Variants in RARB observed in about 807,000 individuals in gnomAD.
RARB encodes the protein HBV-activated protein.
A neutral mutation model predicts 51.9 loss-of-function variants in RARB; 17 were observed. The observed-to-expected ratio is 0.33, with a 90% CI of 0.22 to 0.49. RARB has a LOEUF of 0.49. Among genes scored for constraint, RARB ranks in the 20% least tolerant of loss-of-function variants. RARB has a pLI of 0.99. For synonymous variants in RARB, 215 were observed against 195.4 expected (o/e 1.10, Z -0.84); for missense variants, 369 against 550.8 (o/e 0.67, Z 3.30).
At chr3:25,439,667 G>A (rs1708578189) in intron 1 of RARB, among the ~76,000 whole-genome samples, 1 of 152,166 alleles carries the variant, frequency 6.6e-6, no homozygotes, top group Non-Finnish European at 1.5e-5. Flanking sequence ...CAAAGTGCTG[G>A]AATTACAGGT....
intron 3 of RARB, among the ~76,000 whole-genome samples, chr3:25,076,348 C>T (rs1164274703): frequency 1.3e-5 from 2 of 152,048 alleles, no homozygotes; most frequent in African/African-American, 4.8e-5. Flanking sequence ...ACCATGTTAT[C>T]CAGGTTGGTC....
At chr3:25,232,351 A>G (rs1702198533) in intron 5 of RARB, among the ~76,000 whole-genome samples, 1 of 152,112 alleles carries the variant, frequency 6.6e-6, no homozygotes, top group South Asian at 2.1e-4. Flanking sequence ...GCTTGTTGGC[A>G]TTTACAACCT....
At chr3:24,927,365 T>C (rs1425597484) in intron 2 of RARB, among the ~76,000 whole-genome samples, 1 of 152,050 alleles carries the variant, frequency 6.6e-6, no homozygotes, top group African/African-American at 2.4e-5. Context: ...AAAAGGATAA[T>C]TTTTTAAGAA....
chr3:25,151,587 G>C (rs1459461319), intron 4 of RARB, among the ~76,000 whole-genome samples: 1 of 152,150 alleles, frequency 6.6e-6, no homozygotes, highest in Non-Finnish European at 1.5e-5. Context: ...TAGGAGATTG[G>C]TACAGACGAT....
chr3:25,230,254 A>C (rs982847744), intron 5 of RARB, among the ~76,000 whole-genome samples: 1 of 152,118 alleles, frequency 6.6e-6, no homozygotes, highest in Non-Finnish European at 1.5e-5. Flanking sequence ...AACCGAACAT[A>C]CTTATTCTCT....
chr3:25,564,342 T>A (rs1184211829), intron 3 of RARB, among the ~76,000 whole-genome samples: 2 of 152,210 alleles, frequency 1.3e-5, no homozygotes, highest in Non-Finnish European at 2.9e-5. Flanking sequence ...ACTTGATATT[T>A]TATGGAGCAC....
At chr3:25,351,853 C>T (rs917181972) in intron 5 of RARB, among the ~76,000 whole-genome samples, 1 of 152,092 alleles carries the variant, frequency 6.6e-6, no homozygotes, top group East Asian at 1.9e-4. Flanking sequence ...AAGAGTGTTC[C>T]CCAAGAGCTC....
At chr3:24,902,883 A>G (rs565980970) in intron 2 of RARB, among the ~76,000 whole-genome samples, 6 of 152,326 alleles carry the variant, frequency 3.9e-5, no homozygotes, top group African/African-American at 7.2e-5. Flanking sequence ...GGGTTTTAGC[A>G]AAAATATAAA....
rs80211205 is a variant in RARB at position 25,340,622 on chromosome 3, C to G, written c.179-120571C>G. 7.6e-3 allele frequency among the ~76,000 whole-genome samples: 1,157 copies of G among 152,244 alleles called. 15 individuals are homozygous for G. The highest frequency in any genetic ancestry group is 0.025 in the African/African-American group (1,042 of 41,546). On this transcript the variant is annotated intron_variant, in intron 5 of 11. Coordinates refer to the RARB transcript ENST00000383772. ...TTTTCTCCATTTAAAGTATCTGGCT[C>G]TACAAAGCAGGAAATAAATACTTTG...
chr3:24,959,721 TTG>T (rs1228858270), intron 2 of RARB, among the ~76,000 whole-genome samples: 1 of 152,050 alleles, frequency 6.6e-6, no homozygotes, highest in Non-Finnish European at 1.5e-5. Flanking sequence ...CAGAGGATAA[TTG>T]ACAGTGTGAT....
At chr3:25,563,726 A>G (rs983361433) in intron 3 of RARB, among the ~76,000 whole-genome samples, 3 of 152,220 alleles carry the variant, frequency 2.0e-5, no homozygotes, top group Admixed American at 6.5e-5. Context: ...TTTTAAATAT[A>G]TCAGTGTGTT....
intron 3 of RARB, among the ~76,000 whole-genome samples, chr3:25,510,252 A>G (rs1023488995): frequency 6.6e-6 from 1 of 152,168 alleles, no homozygotes; most frequent in East Asian, 1.9e-4. Flanking sequence ...TGCTTCTCTA[A>G]ACAATGAAGT....
intron 5 of RARB, among the ~76,000 whole-genome samples, chr3:25,370,657 G>A (rs1335751937): frequency 6.6e-6 from 1 of 152,200 alleles, no homozygotes; most frequent in Non-Finnish European, 1.5e-5. Context: ...CAGAACCTGG[G>A]GATGGGTAGG....
At chr3:24,906,336 T>G (rs1334388386) in intron 2 of RARB, among the ~76,000 whole-genome samples, 2 of 152,200 alleles carry the variant, frequency 1.3e-5, no homozygotes, top group Non-Finnish European at 2.9e-5. Context: ...GACTTGGATA[T>G]AGCAGATGCA....
chr3:25,531,404 AT>A (rs1698910824), intron 3 of RARB, among the ~76,000 whole-genome samples: 1 of 135,428 alleles, frequency 7.4e-6, no homozygotes, highest in African/African-American at 2.8e-5. Context: ...AGATAGATAG[AT>A]AGATAGATAG....
At chr3:25,069,215 T>C (rs1698722509) in intron 3 of RARB, among the ~76,000 whole-genome samples, 1 of 151,460 alleles carries the variant, frequency 6.6e-6, no homozygotes, top group African/African-American at 2.5e-5. Context: ...GAAAGATTTT[T>C]TTTTGAGTCT....
rs1189295734 is a variant in RARB at position 24,970,503 on chromosome 3, T to C, written c.-379-89622T>C. ...GATAATGGTGCAGTTAACTGGACTTTTAAATATCAAAGACCGGAAAATGTA... is the reference window on the plus strand; with the variant it reads ...GATAATGGTGCAGTTAACTGGACTTCTAAATATCAAAGACCGGAAAATGTA... On this transcript the variant is annotated intron_variant, in intron 2 of 11. Transcript: ENST00000383772. Among the ~76,000 whole-genome samples, 7 of 151,864 alleles carry C rather than the reference T, an allele frequency of 4.6e-5. No homozygotes were observed. In the East Asian group the frequency reaches 7.8e-4, roughly 17 times the overall value.
intron 4 of RARB, 102 bp downstream of exon 4, chr3:25,570,020 AC>A: frequency 9.2e-7 from 1 of 1,082,688 alleles, no homozygotes; most frequent in Non-Finnish European, 1.3e-6. Context: ...ACACACACAC[AC>A]TTTGCACTGG....
At chr3:25,569,981 G>GACACACACACACACACACACACACAC in intron 4 of RARB, 63 bp downstream of exon 4, 1 of 1,068,362 alleles carries the variant, frequency 9.4e-7, no homozygotes, top group Non-Finnish European at 1.3e-6. Context: ...CATGTGTGCA[G>GACACACACACACACACACACACACAC]ACACACACAC....
Sources: gnomAD v4.1 joint callset for allele counts (sites outside exome capture counted in the v4.1 genomes callset) on GRCh38, gnomAD v4.1.1 for gene constraint, MANE v1.5 for transcripts, NCBI Gene and HGNC (gene_info 2026-07-23, HGNC 2026-07-21) for gene names.